Variants in KCNMA1 observed in about 807,000 individuals in gnomAD.
KCNMA1 encodes the protein potassium calcium-activated channel subfamily M alpha 1.
KCNMA1 carries 29 observed loss-of-function variants against 140.0 expected under a neutral mutation model. That is an observed-to-expected ratio of 0.21 (90% CI 0.15 to 0.28). The LOEUF is 0.28. Ranked by LOEUF, KCNMA1 falls within the 10% of genes least tolerant of loss-of-function variation. The pLI, the probability that KCNMA1 is intolerant of heterozygous loss-of-function variation, is 1.00. For synonymous variants in KCNMA1, 612 were observed against 611.9 expected, an observed-to-expected ratio of 1.00 and a Z score of 0.00; for missense variants, 880 against 1,602.2, an observed-to-expected ratio of 0.55 and a Z score of 7.70.
chr10:77,259,996 T>A (rs1017674234), intron 2 of KCNMA1, among the ~76,000 whole-genome samples: 1 of 152,086 alleles, frequency 6.6e-6, no homozygotes, highest in Non-Finnish European at 1.5e-5. Flanking sequence ...CTGAGTGTAG[T>A]GGAAGCAAAA....
rs568589423 is a variant in KCNMA1 at position 77,550,093 on chromosome 10, T to A, written c.378+87172A>T. ...ACCCCCAGCCCAGCCACCCAAGAGA[T>A]TCTCCCAAGCCAGGCAGTGATGCTC... On this transcript the variant is annotated intron_variant, in intron 1 of 27. Coordinates refer to ENST00000286628, the MANE Select transcript of KCNMA1 (RefSeq NM_001161352.2). Among the ~76,000 whole-genome samples the A allele has an allele frequency of 2.9e-4, 44 of 152,254 alleles. No individual in the cohort carries two copies. In the South Asian group the frequency reaches 9.1e-3, roughly 32 times the overall value.
chr10:77,290,151 A>T lies in KCNMA1; in HGVS notation c.541-38895T>A, dbSNP rs145622178. ...ACACACCAAATTTTTTTAAAAAGTC[A>T]ATTTTATTTTATGATTACCTAAAAA... On this transcript the variant is annotated intron_variant, in intron 2 of 27. Transcript: ENST00000286628. Among the ~76,000 whole-genome samples the T allele has an allele frequency of 2.0e-3, 310 of 152,328 alleles. 3 individuals carry two copies. Among genetic ancestry groups the T allele is most frequent in the African/African-American group, 7.1e-3 (297 of 41,568 alleles).
At chr10:76,910,737 G>A (rs1183297691) in intron 24 of KCNMA1, 3 of 158,582 alleles carry the variant, frequency 1.9e-5, no homozygotes, top group Non-Finnish European at 4.2e-5. Context: ...TGCTGACAAG[G>A]ACTTGCTCTG....
intron 20 of KCNMA1, among the ~76,000 whole-genome samples, chr10:76,962,941 T>C (rs2072286789): frequency 6.6e-6 from 1 of 152,216 alleles, no homozygotes; most frequent in Non-Finnish European, 1.5e-5. Context: ...ATCAGGGTTC[T>C]TGCATCATTT....
At chr10:76,878,620 A>G (rs1485873867) in intron 29 of KCNMA1, among the ~76,000 whole-genome samples, 1 of 152,190 alleles carries the variant, frequency 6.6e-6, no homozygotes, top group Admixed American at 6.5e-5. Context: ...CAATATCTTA[A>G]CTGACTATAA....
At chr10:77,598,584 C>T (rs2081619919) in intron 1 of KCNMA1, among the ~76,000 whole-genome samples, 1 of 152,182 alleles carries the variant, frequency 6.6e-6, no homozygotes, top group South Asian at 2.1e-4. Context: ...TTGCTGTGAA[C>T]ATATGCTATT....
chr10:77,142,853 A>G (rs1489702431), intron 5 of KCNMA1, among the ~76,000 whole-genome samples: 1 of 152,226 alleles, frequency 6.6e-6, no homozygotes, highest in East Asian at 1.9e-4. Context: ...TAAAAATACA[A>G]TTTTCTCCAA....
At chr10:77,279,372 G>A (rs2067658561) in intron 2 of KCNMA1, among the ~76,000 whole-genome samples, 1 of 152,126 alleles carries the variant, frequency 6.6e-6, no homozygotes, top group Non-Finnish European at 1.5e-5. Flanking sequence ...GGAAGTGAAT[G>A]GTGAGAAGAG....
chr10:77,335,986 T>C (rs1171049760), intron 2 of KCNMA1, among the ~76,000 whole-genome samples: 1 of 151,904 alleles, frequency 6.6e-6, no homozygotes, highest in Non-Finnish European at 1.5e-5. Flanking sequence ...AATGAGAGGA[T>C]GAAGAAAACT....
At chr10:77,506,596 A>AGAGAGAGTGTGTGT in intron 1 of KCNMA1, among the ~76,000 whole-genome samples, 862 of 83,456 alleles carry the variant, frequency 0.01, 30 homozygotes, top group Non-Finnish European at 0.012. Flanking sequence ...AGAGAGAGAG[A>AGAGAGAGTGTGTGT]GTGTGTGTGT....
intron 2 of KCNMA1, among the ~76,000 whole-genome samples, chr10:77,382,980 GTGTGTGTGTGTGTGTATATA>G (rs1317678292): frequency 4.1e-4 from 30 of 73,002 alleles, no homozygotes; most frequent in African/African-American, 2.0e-3. Context: ...GTGTGTGTGT[GTGTGTGTGTGTGTGTATATA>G]TATATATATA....
intron 24 of KCNMA1, chr10:76,911,777 T>C (rs992112713): frequency 6.6e-6 from 1 of 152,254 alleles, no homozygotes. Flanking sequence ...CTCACCTCCC[T>C]TCACTTGTCC....
Position 77,108,017 on chromosome 10 carries a change from G to A in KCNMA1, c.1223+464C>T, listed in dbSNP as rs915087582. Among the ~76,000 whole-genome samples, 5 of 152,212 alleles carry A rather than the reference G, an allele frequency of 3.3e-5. No individual in the cohort carries two copies. The highest frequency in any genetic ancestry group is 2.0e-4 in the Admixed American group (3 of 15,286). On this transcript the variant is annotated intron_variant, in intron 9 of 27. Coordinates refer to ENST00000286628, the MANE Select transcript of KCNMA1 (RefSeq NM_001161352.2). This position sits in a 1 kb window ranked among gnomAD's most constrained non-coding sequence, Gnocchi z 4.6. ...AAGAATGAACGAGTTTTGTTTACTT[G>A]TTAGGGGTCAGAAGAGAAAATATGG...
At chr10:77,098,438 T>C (rs2096995028) in intron 9 of KCNMA1, among the ~76,000 whole-genome samples, 1 of 152,162 alleles carries the variant, frequency 6.6e-6, no homozygotes, top group South Asian at 2.1e-4. Flanking sequence ...TGATTCAACC[T>C]GATGACAAAA....
In KCNMA1 at chr10:77,637,615, C is replaced by T. The variant is rs776683537; in HGVS notation, c.28G>A (p.Gly10Ser). The T allele has an allele frequency of 6.7e-7, 1 of 1,503,472 alleles. No individual in the cohort carries two copies. The highest frequency in any genetic ancestry group is 2.1e-5 in the Admixed American group (1 of 48,082). 93.1% of individuals were successfully genotyped at this position (1,503,472 alleles called of 1,614,324 possible). MANGGGGGG[G>S]SSGGGGGGGG... ...CCGCCGCCGCCGCCGCCGCTGCTGC[C>T]GCCGCCGCCGCCGCCACCATTTGCC... is the stretch of plus-strand genomic sequence containing the variant. The change falls in exon 1 of 28, where the codon GGC (glycine) becomes AGC (serine). Residue 10 changes from glycine to serine, a missense_variant. Physicochemically the swap from Gly to Ser is moderately conservative, Grantham distance 56 (BLOSUM62 0). Around this residue, in one of 13 missense-constraint regions of KCNMA1, gnomAD observed 94 missense variants for 92.4 expected, o/e 1.02. Transcript: ENST00000286628.
At chr10:77,102,664 G>C (rs530883987) in intron 9 of KCNMA1, among the ~76,000 whole-genome samples, 1 of 152,294 alleles carries the variant, frequency 6.6e-6, no homozygotes, top group Non-Finnish European at 1.5e-5. Flanking sequence ...AGCTCCCCCA[G>C]CTTAGTGGGT....
chr10:77,019,061 T>G lies in KCNMA1; in HGVS notation c.1967A>C (p.Glu656Ala), dbSNP rs917980352. The change falls in exon 17 of 28, where the codon GAA (glutamate) becomes GCA (alanine). Residue 656 changes from glutamate (E) to alanine (A), a missense_variant. Around this residue, in one of 13 missense-constraint regions of KCNMA1, gnomAD observed 196 missense variants for 233.0 expected, o/e 0.84. Coordinates refer to ENST00000286628, the MANE Select transcript of KCNMA1 (RefSeq NM_001161352.2). ...TGCGATGAAAAATCCTAAAGTACCT[T>G]CTTGGATCTTAAGATGGTTTCCAGG... ...INPGNHLKIQ[E>A]GTLGFFIASD... 4.4e-6 allele frequency: 7 copies of G among 1,594,744 alleles called. No homozygotes were observed. In the Admixed American group the frequency reaches 5.0e-5, roughly 11 times the overall value.
chr10:77,102,522 C>G (rs1413035030), intron 9 of KCNMA1, among the ~76,000 whole-genome samples: 1 of 152,238 alleles, frequency 6.6e-6, no homozygotes, highest in African/African-American at 2.4e-5. Flanking sequence ...ATAAGTCAAG[C>G]AAGCACTGCT....
At chr10:77,392,002 TAAGAA>T (rs1014907626) in intron 2 of KCNMA1, among the ~76,000 whole-genome samples, 2 of 150,108 alleles carry the variant, frequency 1.3e-5, no homozygotes, top group Non-Finnish European at 3.0e-5. Context: ...AAAACCTGGG[TAAGAA>T]AAGTCTCCCA....
Sources: gnomAD v4.1 joint callset for allele counts (sites outside exome capture counted in the v4.1 genomes callset) on GRCh38, gnomAD v4.1.1 for gene constraint, gnomAD v4.1.1 regional missense constraint, Gnocchi (gnomAD v3.1) non-coding constraint, MANE v1.5 for transcripts, NCBI Gene and HGNC (gene_info 2026-07-23, HGNC 2026-07-21) for gene names.